Variants in CDH13 observed in about 807,000 individuals in gnomAD.
CDH13 encodes cadherin-13.
Under a neutral mutation model 63.8 loss-of-function variants are expected in CDH13, and 24 were observed. The ratio of observed to expected loss-of-function variants is 0.38; its 90% CI spans 0.27 to 0.53. CDH13 has a LOEUF of 0.53. Among genes scored for constraint, CDH13 ranks in the 20% least tolerant of loss-of-function variants. The pLI, the probability that CDH13 is intolerant of heterozygous loss-of-function variation, is 0.85. For missense variants in CDH13, 1,049 were observed against 903.1 expected (o/e 1.16, Z -2.07); for synonymous variants, 503 against 355.3 (o/e 1.42, Z -4.67).
intron 6 of CDH13, among the ~76,000 whole-genome samples, chr16:83,351,075 T>C (rs557060970): frequency 9.8e-5 from 15 of 152,308 alleles, no homozygotes; most frequent in African/African-American, 3.4e-4. Flanking sequence ...GCCGATGGTG[T>C]TCAGGTTGTT....
intron 11 of CDH13, among the ~76,000 whole-genome samples, chr16:83,764,259 C>G (rs116062832): frequency 2.0e-5 from 3 of 152,112 alleles, no homozygotes; most frequent in Admixed American, 1.3e-4. Context: ...TGGACCCCCC[C>G]ACTTGGACAA....
At chr16:83,428,401 A>C (rs989736845) in intron 6 of CDH13, among the ~76,000 whole-genome samples, 2 of 151,688 alleles carry the variant, frequency 1.3e-5, no homozygotes, top group African/African-American at 4.8e-5. Context: ...TATTTTCCTG[A>C]GTTGATTTTA....
At chr16:83,256,672 T>TAAA (rs1906309160) in intron 5 of CDH13, among the ~76,000 whole-genome samples, 2 of 13,400 alleles carry the variant, frequency 1.5e-4, no homozygotes, top group African/African-American at 6.1e-4. Context: ...TCTACTAAAA[T>TAAA]ACAAAAAAAA....
intron 3 of CDH13, among the ~76,000 whole-genome samples, chr16:83,097,778 A>G (rs1277916349): frequency 6.6e-6 from 1 of 152,220 alleles, no homozygotes; most frequent in Non-Finnish European, 1.5e-5. Flanking sequence ...ATTCCAGTAC[A>G]AAAAGGAAAT....
chr16:83,456,904 G>A (rs2073038756), intron 6 of CDH13, among the ~76,000 whole-genome samples: 2 of 152,224 alleles, frequency 1.3e-5, no homozygotes, highest in Admixed American at 6.5e-5. Context: ...GGATGTTGCA[G>A]TGAGCTGAGA....
At chr16:82,783,231 C>T (rs188789615) in intron 1 of CDH13, among the ~76,000 whole-genome samples, 3 of 152,284 alleles carry the variant, frequency 2.0e-5, no homozygotes, top group Admixed American at 6.5e-5. Context: ...GGCCAAAGAC[C>T]GCAAAGCTCC....
At chr16:83,525,476 G>A (rs1212933064) in intron 7 of CDH13, among the ~76,000 whole-genome samples, 1 of 152,246 alleles carries the variant, frequency 6.6e-6, no homozygotes, top group Non-Finnish European at 1.5e-5. Context: ...ATGTTATACT[G>A]ACTTGGTTGC....
At chr16:83,243,907 C>G (rs997020286) in intron 5 of CDH13, among the ~76,000 whole-genome samples, 1 of 152,170 alleles carries the variant, frequency 6.6e-6, no homozygotes, top group Non-Finnish European at 1.5e-5. Flanking sequence ...AGAGTAACAT[C>G]ACCATTTGAA....
intron 6 of CDH13, among the ~76,000 whole-genome samples, chr16:83,395,628 T>C (rs888303649): frequency 6.6e-6 from 1 of 152,126 alleles, no homozygotes; most frequent in Admixed American, 6.5e-5. Context: ...TGGTCATTGC[T>C]CAAAGGTGGT....
intron 8 of CDH13, among the ~76,000 whole-genome samples, chr16:83,609,678 T>C (rs1908678973): frequency 6.6e-6 from 1 of 152,236 alleles, no homozygotes; most frequent in African/African-American, 2.4e-5. Context: ...TTTATCACTT[T>C]TGATTATAGG....
intron 3 of CDH13, among the ~76,000 whole-genome samples, chr16:83,035,102 A>G (rs1460038764): frequency 1.3e-5 from 2 of 150,506 alleles, no homozygotes; most frequent in East Asian, 3.9e-4. Context: ...GGAAAAAAAA[A>G]TAAAAAGAAA....
At chr16:83,620,397 A>AG (rs1909704579) in intron 8 of CDH13, among the ~76,000 whole-genome samples, 1 of 151,772 alleles carries the variant, frequency 6.6e-6, no homozygotes, top group Admixed American at 6.6e-5. Flanking sequence ...CTCAAAAAAA[A>AG]AAAAAAAAAA....
chr16:82,803,675 A>T (rs1158209585), intron 1 of CDH13, among the ~76,000 whole-genome samples: 1 of 152,220 alleles, frequency 6.6e-6, no homozygotes, highest in African/African-American at 2.4e-5. Context: ...ATTTGTGACA[A>T]TATGGATGAA....
intron 1 of CDH13, among the ~76,000 whole-genome samples, chr16:82,850,698 G>A (rs1471820572): frequency 6.6e-6 from 1 of 152,100 alleles, no homozygotes; most frequent in African/African-American, 2.4e-5. Flanking sequence ...AAACCTCGTT[G>A]TTTTCTTATT....
intron 1 of CDH13, among the ~76,000 whole-genome samples, chr16:82,698,151 G>A (rs1290133848): frequency 2.0e-5 from 3 of 152,232 alleles, no homozygotes; most frequent in Non-Finnish European, 4.4e-5. Context: ...CATGTTCAAA[G>A]TATGGAAGAT....
chr16:83,171,283 C>T (rs2037905434), intron 4 of CDH13, among the ~76,000 whole-genome samples: 1 of 152,034 alleles, frequency 6.6e-6, no homozygotes, highest in African/African-American at 2.4e-5. Flanking sequence ...TTTAAAGGAC[C>T]AGATCTTGTG....
chr16:83,137,515 C>T (rs981802562), intron 4 of CDH13, among the ~76,000 whole-genome samples: 9 of 152,210 alleles, frequency 5.9e-5, no homozygotes, highest in African/African-American at 2.2e-4. Context: ...AAGCAAAAAA[C>T]GGCTTTCTTT....
At chr16:82,648,404 C>T (rs1428871949) in intron 1 of CDH13, among the ~76,000 whole-genome samples, 1 of 152,174 alleles carries the variant, frequency 6.6e-6, no homozygotes, top group African/African-American at 2.4e-5. Context: ...CCTAAATGCT[C>T]TGCAAATAGG....
At chr16:83,110,799 G>C (rs1295653305) in intron 3 of CDH13, among the ~76,000 whole-genome samples, 2 of 151,934 alleles carry the variant, frequency 1.3e-5, no homozygotes, top group African/African-American at 4.8e-5. Context: ...ACAGTTACAA[G>C]GGGCTACTTC....
Sources: allele counts gnomAD v4.1 joint callset (sites outside exome capture counted in the v4.1 genomes callset), GRCh38; gene constraint gnomAD v4.1.1; transcripts MANE v1.5; gene names NCBI Gene and HGNC (gene_info 2026-07-23, HGNC 2026-07-21).